SPARC: variants seen among roughly 807,000 people sequenced by gnomAD.
SPARC encodes basement-membrane protein 40.
A neutral mutation model predicts 37.7 loss-of-function variants in SPARC; 23 were observed. That is an observed-to-expected ratio of 0.61 (90% CI 0.44 to 0.87). SPARC has a LOEUF of 0.87. SPARC is among the 40% of genes least tolerant of loss of function. The probability of loss-of-function intolerance (pLI) is 0.00; values close to 1 mark genes in which losing one functional copy is unlikely to be tolerated. For missense variants in SPARC, 312 were observed against 389.0 expected, an observed-to-expected ratio of 0.80 and a Z score of 1.66; for synonymous variants, 155 against 150.8, an observed-to-expected ratio of 1.03 and a Z score of -0.20.
intron 1 of SPARC, among the ~76,000 whole-genome samples, chr5:151,677,497 C>A (rs1333108309): frequency 6.6e-6 from 1 of 152,194 alleles, no homozygotes; most frequent in Non-Finnish European, 1.5e-5. Context: ...GAGAAAAATA[C>A]TCAGCTTGAA....
chr5:151,664,260 G>T, intron 8 of SPARC, 25 bp from the exon 9 acceptor site: 1 of 1,607,496 alleles, frequency 6.2e-7, no homozygotes, highest in Non-Finnish European at 8.5e-7. Context: ...GCAGGGGAGG[G>T]CCTGAGGCAT....
chr5:151,668,573 G>A (rs960408350), intron 6 of SPARC, among the ~76,000 whole-genome samples: 1 of 152,130 alleles, frequency 6.6e-6, no homozygotes, highest in Non-Finnish European at 1.5e-5. Flanking sequence ...GGGGGCTTAG[G>A]GGTCTGTTCT....
rs1031716890 is a variant in SPARC at position 151,661,427 on chromosome 5, A to T, written c.*2144T>A. 1 of 152,234 alleles carries T rather than the reference A, an allele frequency of 6.6e-6. No homozygotes were observed. The highest frequency in any genetic ancestry group is 1.5e-5 in the Non-Finnish European group (1 of 68,046). 9.4% of individuals were successfully genotyped at this position (152,234 alleles called of 1,614,324 possible). ...TACTGCTCGCCCTCCCACTGTGTAG[A>T]AGAGAACACCAGAATACAGTTTGAT... is the stretch of plus-strand genomic sequence containing the variant. On this transcript the variant is annotated 3_prime_UTR_variant, in exon 10 of 10. Coordinates refer to ENST00000231061, the MANE Select transcript of SPARC (RefSeq NM_003118.4).
At position 151,662,842 on chromosome 5, in the gene SPARC, G is replaced by C. The variant is rs988961709; in HGVS notation, c.*729C>G. The C allele has an allele frequency of 2.4e-4, 37 of 152,374 alleles. No homozygotes were observed. Among genetic ancestry groups the C allele is most frequent in the African/African-American group, 8.2e-4 (34 of 41,574 alleles). 9.4% of individuals were successfully genotyped at this position (152,374 alleles called of 1,614,324 possible). ...AGACAGAGGAGGAGAAGCCCTGCAG[G>C]ATGCGCTGACCACTTCCCAGAGAAC... is the stretch of plus-strand genomic sequence containing the variant. On this transcript the variant is annotated 3_prime_UTR_variant, in exon 10 of 10. Transcript: ENST00000231061.
At chr5:151,680,971 C>A (rs1357349370) in intron 1 of SPARC, among the ~76,000 whole-genome samples, 1 of 152,170 alleles carries the variant, frequency 6.6e-6, no homozygotes, top group Non-Finnish European at 1.5e-5. Flanking sequence ...ACATATTGCC[C>A]CTGTTGGTCT....
At chr5:151,667,780 C>A (rs1760662258) in intron 6 of SPARC, 180 bp from the exon 7 acceptor site, 4 of 668,456 alleles carry the variant, frequency 6.0e-6, no homozygotes, top group Non-Finnish European at 1.0e-5. Context: ...GGGAAGAATG[C>A]CCTAGAAATG....
At chr5:151,683,113 G>A (rs1288578207) in intron 1 of SPARC, among the ~76,000 whole-genome samples, 1 of 148,614 alleles carries the variant, frequency 6.7e-6, no homozygotes, top group East Asian at 2.1e-4. Context: ...GGGAGGGAGG[G>A]AGGCATCAGG....
intron 8 of SPARC, among the ~76,000 whole-genome samples, chr5:151,665,934 C>T (rs1561916211): frequency 1.3e-5 from 2 of 152,146 alleles, no homozygotes; most frequent in Non-Finnish European, 2.9e-5. Flanking sequence ...GTCAGTTGGG[C>T]CCTATTGGGG....
At chr5:151,681,032 T>C (rs1208191089) in intron 1 of SPARC, among the ~76,000 whole-genome samples, 1 of 152,204 alleles carries the variant, frequency 6.6e-6, no homozygotes, top group African/African-American at 2.4e-5. Flanking sequence ...GGCCCAGGGC[T>C]GGCCTCTTAC....
At chr5:151,674,007 T>C (rs1003779215) in intron 3 of SPARC, among the ~76,000 whole-genome samples, 13 of 131,606 alleles carry the variant, frequency 9.9e-5, no homozygotes, top group African/African-American at 1.7e-4. Flanking sequence ...TGTGTGTGTG[T>C]GCTTGTTTGT....
intron 1 of SPARC, among the ~76,000 whole-genome samples, chr5:151,681,014 G>A (rs1015825674): frequency 2.6e-5 from 4 of 152,286 alleles, no homozygotes; most frequent in South Asian, 2.1e-4. Context: ...ATACAGTGAC[G>A]AAGACCAGGC....
chr5:151,675,628 T>C (rs1037100785), intron 2 of SPARC, among the ~76,000 whole-genome samples: 1 of 152,214 alleles, frequency 6.6e-6, no homozygotes, highest in African/African-American at 2.4e-5. Flanking sequence ...GCTGCCCTTT[T>C]CCAGTCCTCC....
rs371766651 is a variant in SPARC, at chr5:151,661,812, T to C, written c.*1759A>G. The stretch of plus-strand genomic sequence containing the variant: ...GCTAGTGTGATTGGGGAGCTGCGTT[T>C]TGAATGTTAACTAATTTAAATTTAA... On this transcript the variant is annotated 3_prime_UTR_variant, in exon 10 of 10. Coordinates refer to ENST00000231061, the MANE Select transcript of SPARC (RefSeq NM_003118.4). 2.0e-5 allele frequency: 3 copies of C among 152,288 alleles called. No individual in the cohort carries two copies. The South Asian group carries it at 6.2e-4, about 32-fold the overall frequency. 9.4% of individuals were successfully genotyped at this position (152,288 alleles called of 1,614,324 possible).
chr5:151,671,865 G>A, intron 4 of SPARC, 171 bp from the exon 5 acceptor site: 1 of 756,194 alleles, frequency 1.3e-6, no homozygotes, highest in South Asian at 2.0e-5. Flanking sequence ...TCAACATTTA[G>A]GGCAGCAGCT....
At chr5:151,686,055 C>G (rs912186707) in intron 1 of SPARC, 13 of 152,228 alleles carry the variant, frequency 8.5e-5, no homozygotes, top group African/African-American at 2.9e-4. Flanking sequence ...CTTCCCTTCC[C>G]CCTTTCCCCC....
rs1021407450 is a variant in SPARC at position 151,680,851 on chromosome 5, A to G, written c.-13-4650T>C. Among the ~76,000 whole-genome samples the G allele has an allele frequency of 1.2e-4, 18 of 152,218 alleles. 1 individual carries two copies. The highest frequency in any genetic ancestry group is 9.8e-4 in the Admixed American group (15 of 15,282). Reference sequence around the variant, plus strand: ...AAGCAATGTTGTCGTTGGGAAGAGCATCTTATAAAGTCCGAGGTTCCCAGA... The same window carrying G: ...AAGCAATGTTGTCGTTGGGAAGAGCGTCTTATAAAGTCCGAGGTTCCCAGA... On this transcript the variant is annotated intron_variant, in intron 1 of 9. Transcript: ENST00000231061.
chr5:151,671,558 T>G lies in SPARC; in HGVS notation c.330+15A>C, dbSNP rs777078732. On this transcript the variant is annotated intron_variant, in intron 5 of 9. Transcript: ENST00000231061. ...GCCCAATCCCTTCCCCCTGCCCCTGTCTCTCAGCCCTCACCTTCTCAAACT... is the reference window on the plus strand; with the variant it reads ...GCCCAATCCCTTCCCCCTGCCCCTGGCTCTCAGCCCTCACCTTCTCAAACT... The G allele has an allele frequency of 1.3e-6, 2 of 1,549,872 alleles. No homozygotes were observed. The highest frequency in any genetic ancestry group is 1.7e-6 in the Non-Finnish European group (2 of 1,150,038).
intron 7 of SPARC, among the ~76,000 whole-genome samples, chr5:151,666,788 G>T (rs1196812468): frequency 2.0e-5 from 3 of 152,254 alleles, no homozygotes; most frequent in African/African-American, 7.2e-5. Flanking sequence ...GCTTTGGGAG[G>T]CTGAGGCAGG....
chr5:151,668,154 C>T (rs938989200), intron 6 of SPARC, among the ~76,000 whole-genome samples: 20 of 94,772 alleles, frequency 2.1e-4, no homozygotes, highest in African/African-American at 5.7e-4. Context: ...TTCTTTTTTT[C>T]TTCTTTTTTT....
Sources: allele counts gnomAD v4.1 joint callset (sites outside exome capture counted in the v4.1 genomes callset), GRCh38; gene constraint gnomAD v4.1.1; transcripts MANE v1.5; gene names NCBI Gene and HGNC (gene_info 2026-07-23, HGNC 2026-07-21).